KCNJ3: variants seen among roughly 807,000 people sequenced by gnomAD.
The protein encoded by KCNJ3 is G protein-activated inward rectifier potassium channel 1.
A neutral mutation model predicts 39.2 loss-of-function variants in KCNJ3; 4 were observed. The observed-to-expected ratio is 0.10, with a 90% CI of 0.05 to 0.23. The LOEUF is 0.23. Ranked by LOEUF, KCNJ3 falls within the 10% of genes least tolerant of loss-of-function variation. The pLI, the probability that KCNJ3 is intolerant of heterozygous loss-of-function variation, is 1.00. For synonymous variants in KCNJ3, 230 were observed against 237.4 expected, an observed-to-expected ratio of 0.97 and a Z score of 0.29; for missense variants, 276 against 634.9, an observed-to-expected ratio of 0.43 and a Z score of 6.08.
chr2:154,745,440 T>C (rs1685724603), intron 2 of KCNJ3, among the ~76,000 whole-genome samples: 1 of 152,076 alleles, frequency 6.6e-6, no homozygotes, highest in African/African-American at 2.4e-5. Flanking sequence ...TATATCTTCT[T>C]GATGGATTGA....
chr2:154,702,410 A>G (rs1684919545), intron 1 of KCNJ3, among the ~76,000 whole-genome samples: 1 of 151,946 alleles, frequency 6.6e-6, no homozygotes, highest in Non-Finnish European at 1.5e-5. Flanking sequence ...AATAATTATA[A>G]AGCACTTTTT....
At chr2:154,775,129 C>T (rs1686310829) in intron 2 of KCNJ3, among the ~76,000 whole-genome samples, 1 of 152,146 alleles carries the variant, frequency 6.6e-6, no homozygotes, top group African/African-American at 2.4e-5. Flanking sequence ...ATTGCCCAGG[C>T]TGGTCTCAAA....
At chr2:154,830,509 C>T (rs532713326) in intron 2 of KCNJ3, among the ~76,000 whole-genome samples, 1 of 152,228 alleles carries the variant, frequency 6.6e-6, no homozygotes, top group South Asian at 2.1e-4. Flanking sequence ...TTAAGATGCG[C>T]TTCGTGTGTT....
chr2:154,838,721 A>G (rs887814547), intron 2 of KCNJ3, among the ~76,000 whole-genome samples: 2 of 150,602 alleles, frequency 1.3e-5, no homozygotes, highest in African/African-American at 2.4e-5. Context: ...GTAAAGCATG[A>G]CATTGTAAAG....
In KCNJ3 at chr2:154,709,761, C is replaced by T; in HGVS notation, c.861C>T (p.Ser287=). Residue 287 remains serine, a synonymous_variant, in exon 2 of 3, where the codon AGC becomes AGT. Coordinates refer to ENST00000295101, the MANE Select transcript of KCNJ3 (RefSeq NM_002239.4). The part of the protein sequence containing the change: ...KSPFYDLSQR[S]MQTEQFEIVV... Reference sequence around the variant, plus strand: ...CCTTTTATGACCTATCCCAGCGAAGCATGCAAACTGAACAGTTCGAGATTG... The same window carrying T: ...CCTTTTATGACCTATCCCAGCGAAGTATGCAAACTGAACAGTTCGAGATTG... The T allele has an allele frequency of 6.2e-7, 1 of 1,613,924 alleles. No homozygotes were observed. The highest frequency in any genetic ancestry group is 2.2e-5 in the East Asian group (1 of 44,870).
At chr2:154,704,626 A>G (rs1430940892) in intron 1 of KCNJ3, among the ~76,000 whole-genome samples, 1 of 152,156 alleles carries the variant, frequency 6.6e-6, no homozygotes, top group Admixed American at 6.5e-5. Context: ...AGGAGTCCAA[A>G]TAAATGTACA....
intron 2 of KCNJ3, 80 bp from the exon 3 acceptor site, chr2:154,854,647 A>G: frequency 1.0e-6 from 1 of 999,448 alleles, no homozygotes. Flanking sequence ...AAGAAAGTGA[A>G]ATGAATTATT....
At chr2:154,713,909 G>A (rs928549616) in intron 2 of KCNJ3, among the ~76,000 whole-genome samples, 1 of 151,974 alleles carries the variant, frequency 6.6e-6, no homozygotes, top group Non-Finnish European at 1.5e-5. Context: ...ATCTATTTTA[G>A]ACCTTTTCTC....
At chr2:154,741,751 A>G (rs1014508335) in intron 2 of KCNJ3, among the ~76,000 whole-genome samples, 5 of 151,934 alleles carry the variant, frequency 3.3e-5, no homozygotes, top group African/African-American at 1.2e-4. Flanking sequence ...ACAGAGAAAT[A>G]TATATGCAAA....
At chr2:154,735,225 T>TCG in intron 2 of KCNJ3, among the ~76,000 whole-genome samples, 1 of 151,278 alleles carries the variant, frequency 6.6e-6, no homozygotes, top group South Asian at 2.1e-4. Flanking sequence ...TAGCTGGGAC[T>TCG]ACAGGGGCCC....
At chr2:154,784,673 G>A (rs938636129) in intron 2 of KCNJ3, among the ~76,000 whole-genome samples, 7 of 152,072 alleles carry the variant, frequency 4.6e-5, no homozygotes, top group Non-Finnish European at 7.4e-5. Flanking sequence ...GAGCCACTGC[G>A]CCCGGCCTGG....
intron 2 of KCNJ3, among the ~76,000 whole-genome samples, chr2:154,772,493 T>G (rs1300512360): frequency 6.6e-6 from 1 of 152,206 alleles, no homozygotes; most frequent in Non-Finnish European, 1.5e-5. Context: ...ATGGAATTTG[T>G]AATGATTGAA....
chr2:154,704,251 C>T (rs1012567818), intron 1 of KCNJ3, among the ~76,000 whole-genome samples: 4 of 151,866 alleles, frequency 2.6e-5, no homozygotes, highest in Admixed American at 6.6e-5. Context: ...CATAAAGAGC[C>T]ATAAATAAAC....
In KCNJ3 at chr2:154,805,813, T is replaced by C. The variant is rs531043499; in HGVS notation, c.920-48914T>C. 2.6e-5 allele frequency among the ~76,000 whole-genome samples: 4 copies of C among 152,102 alleles called. No homozygotes were observed. In the South Asian group the frequency reaches 8.3e-4, roughly 32 times the overall value. ...ATGAAGTGATTTCCAATTTAGAAAA[T>C]AGGATTTAAAAAAATTATATTTAGT... On this transcript the variant is annotated intron_variant, in intron 2 of 2. Transcript: ENST00000295101.
intron 2 of KCNJ3, among the ~76,000 whole-genome samples, chr2:154,751,565 T>C (rs964678941): frequency 6.6e-6 from 1 of 152,084 alleles, no homozygotes; most frequent in Non-Finnish European, 1.5e-5. Flanking sequence ...ACATTTCACC[T>C]AAAAGGCTGA....
intron 2 of KCNJ3, among the ~76,000 whole-genome samples, chr2:154,735,567 A>G (rs1345465925): frequency 6.6e-6 from 1 of 152,074 alleles, no homozygotes; most frequent in East Asian, 1.9e-4. Flanking sequence ...AAAATTCTCT[A>G]TTATTTTGTT....
chr2:154,746,623 TA>T, intron 2 of KCNJ3, among the ~76,000 whole-genome samples: 1 of 139,896 alleles, frequency 7.1e-6, no homozygotes, highest in Non-Finnish European at 1.5e-5. Flanking sequence ...TATATATATA[TA>T]TATATATGTA....
chr2:154,745,928 G>A (rs1038029821), intron 2 of KCNJ3, among the ~76,000 whole-genome samples: 1 of 151,766 alleles, frequency 6.6e-6, no homozygotes, highest in East Asian at 1.9e-4. Flanking sequence ...GCTAGGCAGG[G>A]GTTGAGTACT....
At chr2:154,850,915 CT>C (rs1300907931) in intron 2 of KCNJ3, among the ~76,000 whole-genome samples, 1 of 152,040 alleles carries the variant, frequency 6.6e-6, no homozygotes, top group Non-Finnish European at 1.5e-5. Flanking sequence ...TTTTTCTATA[CT>C]TTTAAATATT....
Sources: gnomAD v4.1 joint callset for allele counts (sites outside exome capture counted in the v4.1 genomes callset) on GRCh38, gnomAD v4.1.1 for gene constraint, MANE v1.5 for transcripts, NCBI Gene and HGNC (gene_info 2026-07-23, HGNC 2026-07-21) for gene names.